The following IGSF11 variants were observed in gnomAD, a reference collection of about 807,000 sequenced individuals.
IGSF11 encodes the protein immunoglobulin superfamily member 11, also known as CXADR like 1.
In IGSF11, 22 loss-of-function variants were observed where a neutral mutation model predicts 41.0. The observed-to-expected ratio is 0.54, with a 90% CI of 0.38 to 0.77. The LOEUF (loss-of-function observed/expected upper bound fraction) is 0.77. Among genes scored for constraint, IGSF11 ranks in the 30% least tolerant of loss-of-function variants. The pLI is 0.00. For missense variants in IGSF11, 444 were observed against 530.8 expected, an observed-to-expected ratio of 0.84 and a Z score of 1.61; for synonymous variants, 219 against 201.3, an observed-to-expected ratio of 1.09 and a Z score of -0.74.
intron 1 of IGSF11, among the ~76,000 whole-genome samples, chr3:119,080,291 A>G (rs1339004557): frequency 6.6e-6 from 1 of 152,066 alleles, no homozygotes; most frequent in Non-Finnish European, 1.5e-5. Flanking sequence ...TTTTTTCTTT[A>G]TTCTTGAATA....
intron 1 of IGSF11, among the ~76,000 whole-genome samples, chr3:118,985,956 C>T (rs9835052): frequency 6.6e-6 from 1 of 152,142 alleles, no homozygotes; most frequent in Non-Finnish European, 1.5e-5. Flanking sequence ...GGATATAAGT[C>T]AAGTTTCTCA....
intron 1 of IGSF11, among the ~76,000 whole-genome samples, chr3:118,996,789 C>T (rs1319148379): frequency 1.3e-5 from 2 of 151,854 alleles, no homozygotes; most frequent in African/African-American, 4.8e-5. Context: ...TTAGTAGAGA[C>T]GGGGTTTCAC....
intron 1 of IGSF11, among the ~76,000 whole-genome samples, chr3:119,139,334 T>C (rs2077607232): frequency 6.6e-6 from 1 of 152,164 alleles, no homozygotes; most frequent in Non-Finnish European, 1.5e-5. Flanking sequence ...AGAGCAACAG[T>C]AAAGATAAGT....
At chr3:119,021,927 A>G (rs1184324973) in intron 1 of IGSF11, among the ~76,000 whole-genome samples, 1 of 152,224 alleles carries the variant, frequency 6.6e-6, no homozygotes, top group African/African-American at 2.4e-5. Context: ...ACATATAAAC[A>G]ATAATGTGCC....
intron 1 of IGSF11, among the ~76,000 whole-genome samples, chr3:119,133,283 GT>G (rs1259152372): frequency 2.6e-5 from 4 of 152,096 alleles, no homozygotes; most frequent in East Asian, 1.9e-4. Context: ...CCAGGAGCTG[GT>G]TTTTTGAAAA....
intron 1 of IGSF11, among the ~76,000 whole-genome samples, chr3:118,940,908 CAA>C (rs374776493): frequency 0.15 from 15,426 of 99,700 alleles, 748 homozygotes; most frequent in East Asian, 0.27. Flanking sequence ...CTCCATATGC[CAA>C]AAAAAAAAAA....
chr3:118,954,565 G>A (rs1458502543), intron 1 of IGSF11, among the ~76,000 whole-genome samples: 1 of 152,000 alleles, frequency 6.6e-6, no homozygotes, highest in African/African-American at 2.4e-5. Context: ...GTTCTTAATG[G>A]CATCTGGAAT....
chr3:118,912,417 A>G (rs895566536), intron 4 of IGSF11, among the ~76,000 whole-genome samples: 1 of 152,190 alleles, frequency 6.6e-6, no homozygotes, highest in Admixed American at 6.5e-5. Context: ...AGCTAGCTCC[A>G]GCCCTGGATT....
chr3:118,966,852 CTCTT>C (rs570984865), intron 1 of IGSF11, among the ~76,000 whole-genome samples: 31 of 152,302 alleles, frequency 2.0e-4, no homozygotes, highest in African/African-American at 6.5e-4. Flanking sequence ...ATCTTCCTCT[CTCTT>C]TGTCTAGTTT....
rs60190891 is a variant in IGSF11 at position 119,017,039 on chromosome 3, CAAAA to C, written c.52+17488_52+17491del. Among the ~76,000 whole-genome samples the C allele has an allele frequency of 1.4e-3, 120 of 88,334 alleles. 1 individual carries two copies. Among genetic ancestry groups the C allele is most frequent in the East Asian group, 9.8e-3 (28 of 2,846 alleles). The allele number at this position is 88,334 out of a possible 152,430, so 58.0% of individuals were successfully genotyped here. ...TGAGCAAAGTTAAATGGACGCAGGACAAAAAAAAAAAAAAAAAAGCCAACTATGG... is the reference window on the plus strand; with the variant it reads ...TGAGCAAAGTTAAATGGACGCAGGACAAAAAAAAAAAAAAGCCAACTATGG... On this transcript the variant is annotated intron_variant, in intron 1 of 6. Transcript: ENST00000393775.
At chr3:119,138,082 A>G (rs1435420624) in intron 1 of IGSF11, among the ~76,000 whole-genome samples, 5 of 151,944 alleles carry the variant, frequency 3.3e-5, no homozygotes, top group Admixed American at 2.0e-4. Flanking sequence ...GGATGTGAAG[A>G]GAAAAGAACC....
chr3:119,112,944 A>C (rs1422077138), intron 1 of IGSF11, among the ~76,000 whole-genome samples: 1 of 152,208 alleles, frequency 6.6e-6, no homozygotes, highest in Non-Finnish European at 1.5e-5. Context: ...CATGACAGAA[A>C]GTGAAGAGGA....
At chr3:119,044,243 A>T (rs1941230688) in intron 1 of IGSF11, among the ~76,000 whole-genome samples, 1 of 152,206 alleles carries the variant, frequency 6.6e-6, no homozygotes, top group African/African-American at 2.4e-5. Context: ...AATGAAAGAC[A>T]TACTTAGAGA....
chr3:119,119,849 G>A (rs1051056278), intron 1 of IGSF11, among the ~76,000 whole-genome samples: 2 of 152,192 alleles, frequency 1.3e-5, no homozygotes, highest in African/African-American at 4.8e-5. Context: ...TATCATGTTA[G>A]TTGGGGCAAA....
chr3:119,105,516 G>A (rs925094902), upstream of IGSF11, among the ~76,000 whole-genome samples: 2 of 152,184 alleles, frequency 1.3e-5, no homozygotes. Flanking sequence ...ACCATCCAGA[G>A]ACTTTGACCT....
intron 1 of IGSF11, among the ~76,000 whole-genome samples, chr3:119,045,327 CT>C (rs1941287898): frequency 6.6e-6 from 1 of 152,218 alleles, no homozygotes; most frequent in Non-Finnish European, 1.5e-5. Context: ...CATTGCCTCA[CT>C]TGGGAAGCGC....
intron 1 of IGSF11, among the ~76,000 whole-genome samples, chr3:118,931,085 A>C (rs1213877160): frequency 6.6e-6 from 1 of 152,190 alleles, no homozygotes; most frequent in African/African-American, 2.4e-5. Flanking sequence ...TTATGGTCAA[A>C]TGCTTCTCAA....
At chr3:119,093,931 T>C (rs1267646978) in intron 1 of IGSF11, among the ~76,000 whole-genome samples, 1 of 152,026 alleles carries the variant, frequency 6.6e-6, no homozygotes, top group African/African-American at 2.4e-5. Context: ...CTAATCAACA[T>C]GAGCACTTCT....
chr3:119,009,831 G>C (rs1294170760), intron 1 of IGSF11, among the ~76,000 whole-genome samples: 1 of 152,044 alleles, frequency 6.6e-6, no homozygotes, highest in African/African-American at 2.4e-5. Context: ...TACAAATTGG[G>C]AAAAGGCAAG....
Sources: allele counts gnomAD v4.1 joint callset (sites outside exome capture counted in the v4.1 genomes callset), GRCh38; gene constraint gnomAD v4.1.1; transcripts MANE v1.5; gene names NCBI Gene and HGNC (gene_info 2026-07-23, HGNC 2026-07-21).